ZC3H12B: variants seen among roughly 807,000 people sequenced by gnomAD.
ZC3H12B encodes the protein probable ribonuclease ZC3H12B.
In ZC3H12B, 7 loss-of-function variants were observed where a neutral mutation model predicts 43.9. The observed-to-expected ratio is 0.16, with a 90% CI of 0.09 to 0.30. The LOEUF is 0.30. Ranked by LOEUF, ZC3H12B falls within the 10% of genes least tolerant of loss-of-function variation. The pLI, the probability that ZC3H12B is intolerant of heterozygous loss-of-function variation, is 1.00. For synonymous variants in ZC3H12B, 222 were observed against 241.7 expected, an observed-to-expected ratio of 0.92 and a Z score of 0.76; for missense variants, 475 against 670.2, an observed-to-expected ratio of 0.71 and a Z score of 3.22.
At chrX:65,402,605 G>A (rs2066776996) in intron 3 of ZC3H12B, among the ~76,000 whole-genome samples, 1 of 112,003 alleles carries the variant, frequency 8.9e-6, no homozygotes, top group South Asian at 3.7e-4. Flanking sequence ...CCAACCCCAG[G>A]TTTAAGAGGC....
chrX:65,407,944 A>G lies in ZC3H12B; in HGVS notation n.407+9240A>G, dbSNP rs2066854955. Reference sequence around the variant, plus strand: ...GCCGAGTGGCCGGTACGCCCGGCCTAGCGCGCCTGCGTGCGTGGCCACCTC... The same window carrying G: ...GCCGAGTGGCCGGTACGCCCGGCCTGGCGCGCCTGCGTGCGTGGCCACCTC... On this transcript the variant is annotated intron_variant and non_coding_transcript_variant, in intron 3 of 5. Transcript: ENST00000617377. 4 of 734,828 alleles carry G rather than the reference A, an allele frequency of 5.4e-6. No individual in the cohort carries two copies. In the African/African-American group the frequency reaches 6.4e-5, roughly 12 times the overall value. 60.6% of individuals were successfully genotyped at this position (734,828 alleles called of 1,213,427 possible). A position where few individuals can be genotyped will look rare whatever the true frequency, so the allele number is the denominator to read the frequency against.
chrX:65,082,319 C>G, the ZC3H12B span, among the ~76,000 whole-genome samples: 4 of 110,723 alleles, frequency 3.6e-5, no homozygotes, highest in Admixed American at 1.9e-4. Context: ...TACAAATGAC[C>G]TAAGAAACAA....
the ZC3H12B span, among the ~76,000 whole-genome samples, chrX:65,249,741 T>C: frequency 9.0e-6 from 1 of 110,521 alleles, no homozygotes; most frequent in African/African-American, 3.3e-5. Context: ...CATCAGTGTT[T>C]TATAGTTTTC....
the ZC3H12B span, among the ~76,000 whole-genome samples, chrX:65,265,340 T>C: frequency 1.8e-5 from 2 of 111,884 alleles, no homozygotes; most frequent in Non-Finnish European, 3.8e-5. Context: ...TATTGGCAAC[T>C]GGAGTGTGCA....
chrX:65,447,828 CAT>C (rs1467089842), intron 3 of ZC3H12B, among the ~76,000 whole-genome samples: 2 of 111,773 alleles, frequency 1.8e-5, no homozygotes, highest in East Asian at 5.6e-4. Context: ...GGCCAAAAAA[CAT>C]ATGAAAAGTG....
At chrX:65,294,373 A>G in the ZC3H12B span, among the ~76,000 whole-genome samples, 5 of 111,944 alleles carry the variant, frequency 4.5e-5, no homozygotes, top group South Asian at 3.7e-4. Flanking sequence ...CTTGAAACAA[A>G]TCCTTGAAAT....
chrX:65,215,042 G>A, the ZC3H12B span, among the ~76,000 whole-genome samples: 1 of 110,908 alleles, frequency 9.0e-6, no homozygotes, highest in Non-Finnish European at 1.9e-5. Flanking sequence ...TAATGAGTAG[G>A]TCCCAAAAAC....
chrX:65,427,789 G>A (rs183295516), intron 3 of ZC3H12B, among the ~76,000 whole-genome samples: 2 of 111,742 alleles, frequency 1.8e-5, no homozygotes, highest in East Asian at 2.8e-4. Context: ...TGTTATATGG[G>A]GATTTGATTC....
chrX:65,230,336 A>G, the ZC3H12B span, among the ~76,000 whole-genome samples: 1 of 108,652 alleles, frequency 9.2e-6, no homozygotes, highest in Non-Finnish European at 1.9e-5. Flanking sequence ...TTGAACAATG[A>G]GCTCACATGG....
At chrX:65,448,796 T>C (rs112864187) in intron 3 of ZC3H12B, among the ~76,000 whole-genome samples, 7,702 of 99,727 alleles carry the variant, frequency 0.077, 959 homozygotes, top group African/African-American at 0.28. Context: ...CCAGCCTGGG[T>C]GACAGAATGA....
intron 3 of ZC3H12B, among the ~76,000 whole-genome samples, chrX:65,457,742 G>T (rs1325716101): frequency 1.5e-5 from 1 of 65,536 alleles, no homozygotes; most frequent in African/African-American, 1.2e-4. Context: ...TCTGCCTTGG[G>T]ATCCTGTTGA....
chrX:65,243,356 T>A, the ZC3H12B span, among the ~76,000 whole-genome samples: 82 of 112,182 alleles, frequency 7.3e-4, no homozygotes, highest in African/African-American at 2.5e-3. Context: ...CCAAGAAGTA[T>A]ATGAAAAATG....
chrX:65,152,977 T>A, the ZC3H12B span, among the ~76,000 whole-genome samples: 39 of 111,859 alleles, frequency 3.5e-4, no homozygotes, highest in South Asian at 0.012. Context: ...ACACAAGCAA[T>A]GGGGAAAGGA....
At chrX:65,239,203 G>A in the ZC3H12B span, among the ~76,000 whole-genome samples, 1,613 of 110,912 alleles carry the variant, frequency 0.015, 10 homozygotes, top group Middle Eastern at 0.055. Context: ...TTGTGTGTGC[G>A]TCTAAGTCTC....
chrX:65,501,859 G>A (rs1193698106), exon 5 of ZC3H12B: 8 of 1,202,104 alleles, frequency 6.7e-6, no homozygotes, highest in South Asian at 1.8e-5. Context: ...CCCAGCGTTC[G>A]GTGGCTGATG....
the ZC3H12B span, among the ~76,000 whole-genome samples, chrX:65,180,944 A>T: frequency 9.0e-6 from 1 of 111,561 alleles, no homozygotes; most frequent in Non-Finnish European, 1.9e-5. Context: ...CATGGAGCCA[A>T]GACAATCTCA....
the ZC3H12B span, among the ~76,000 whole-genome samples, chrX:65,106,603 A>G: frequency 2.7e-5 from 3 of 110,919 alleles, no homozygotes; most frequent in East Asian, 8.5e-4. Context: ...GGGTAAAACC[A>G]TTTCGTATTG....
intron 3 of ZC3H12B, among the ~76,000 whole-genome samples, chrX:65,428,810 G>A (rs1278280725): frequency 8.9e-6 from 1 of 112,382 alleles, no homozygotes; most frequent in Non-Finnish European, 1.9e-5. Context: ...GAGGTCATTT[G>A]GAGGAGAAGG....
chrX:65,180,026 C>G, the ZC3H12B span, among the ~76,000 whole-genome samples: 1 of 111,656 alleles, frequency 9.0e-6, no homozygotes, highest in Non-Finnish European at 1.9e-5. Flanking sequence ...CGTCCTGATA[C>G]CAAAACCTGG....
Sources: allele counts gnomAD v4.1 joint callset (sites outside exome capture counted in the v4.1 genomes callset), GRCh38; gene constraint gnomAD v4.1.1; transcripts MANE v1.5; gene names NCBI Gene and HGNC (gene_info 2026-07-23, HGNC 2026-07-21).